Variants in SZT2 observed in about 807,000 individuals in gnomAD.
The protein encoded by SZT2 is KICSTOR complex protein SZT2.
Under a neutral mutation model 404.2 loss-of-function variants are expected in SZT2, and 216 were observed. The observed-to-expected ratio is 0.53, with a 90% CI of 0.48 to 0.60. The LOEUF (loss-of-function observed/expected upper bound fraction) is 0.60. SZT2 is among the 20% of genes least tolerant of loss of function. The pLI, the probability that SZT2 is intolerant of heterozygous loss-of-function variation, is 0.00. For synonymous variants in SZT2, 1,693 were observed against 1,749.9 expected, an observed-to-expected ratio of 0.97 and a Z score of 0.81; for missense variants, 3,857 against 4,459.2, an observed-to-expected ratio of 0.86 and a Z score of 3.85.
In SZT2 at chr1:43,427,596, G is replaced by A. The variant is rs368376076; in HGVS notation, c.3665G>A (p.Arg1222His). The A allele has an allele frequency of 1.2e-5, 20 of 1,614,130 alleles. No homozygotes were observed. The highest frequency in any genetic ancestry group is 5.0e-5 in the Admixed American group (3 of 60,014). Residue 1222 changes from arginine to histidine, a missense_variant, in exon 26 of 72, where the codon CGT (arginine) becomes CAT (histidine). Coordinates refer to ENST00000634258, the MANE Select transcript of SZT2 (RefSeq NM_001365999.1). ...FRRDLQAYAG[R>H]QASQTESADG... ...CGAGACTTACAGGCTTACGCTGGGC[G>A]TCAGGCTTCCCAGACAGAGAGTGCG... is the stretch of plus-strand genomic sequence containing the variant.
Position 43,452,428 on chromosome 1 carries a change from A to C in SZT2, c.*1948A>C, listed in dbSNP as rs767082434. 17 of 857,162 alleles carry C rather than the reference A, an allele frequency of 2.0e-5. No homozygotes were observed. Among genetic ancestry groups the C allele is most frequent in the Non-Finnish European group, 2.9e-5 (15 of 512,980 alleles). The allele number at this position is 857,162 out of a possible 1,614,324, so 53.1% of individuals were successfully genotyped here. A position where few individuals can be genotyped will look rare whatever the true frequency, so the allele number is the denominator to read the frequency against. ...GTCCGTCTCCCCAGGTCTCCAGTCC[A>C]TGGCACCTGGGTCACGATGCCCAGG... On this transcript the variant is annotated 3_prime_UTR_variant, in exon 72 of 72. Coordinates refer to ENST00000634258, the MANE Select transcript of SZT2 (RefSeq NM_001365999.1).
intron 1 of SZT2, among the ~76,000 whole-genome samples, chr1:43,401,079 G>A (rs796308270): frequency 5.3e-5 from 8 of 152,048 alleles, no homozygotes; most frequent in African/African-American, 1.4e-4. Flanking sequence ...GAGCCACTAC[G>A]CCTGGCTAAT....
Position 43,448,734 on chromosome 1 carries a change from TC to T in SZT2, c.10086+10del. On this transcript the variant is annotated splice_region_variant and intron_variant, in intron 70 of 71. Transcript: ENST00000634258. This position sits in a 1 kb window ranked among gnomAD's most constrained non-coding sequence, Gnocchi z 4.2. The stretch of plus-strand genomic sequence containing the variant: ...ACTTGGGAACTCAGTACCTGGTAAG[TC>T]CCCTTGAGCTTCCTCTGAAAAGGGA... 1 of 1,612,380 alleles carries T rather than the reference TC, an allele frequency of 6.2e-7. No homozygotes were observed.
In SZT2 at chr1:43,428,437, G is replaced by A; in HGVS notation, c.4117G>A (p.Glu1373Lys). The A allele has an allele frequency of 6.2e-7, 1 of 1,614,178 alleles. No homozygotes were observed. Among genetic ancestry groups the A allele is most frequent in the Non-Finnish European group, 8.5e-7 (1 of 1,180,032 alleles). The stretch of plus-strand genomic sequence containing the variant: ...CCCTGGGCCCTTCAGCAGCAGCATG[G>A]AGGAGGGTGCTGAACCTCGGGAACG... ...LSPGPFSSSM[E>K]EGAEPRERAI... Residue 1373 changes from glutamate to lysine, a missense_variant, in exon 28 of 72, where the codon GAG (glutamate) becomes AAG (lysine). By Grantham distance (56) the Glu-to-Lys change is moderately conservative (BLOSUM62 1). Coordinates refer to ENST00000634258, the MANE Select transcript of SZT2 (RefSeq NM_001365999.1).
At chr1:43,415,752 C>T (rs543908466) in intron 5 of SZT2, among the ~76,000 whole-genome samples, 6 of 152,300 alleles carry the variant, frequency 3.9e-5, no homozygotes, top group African/African-American at 1.4e-4. Flanking sequence ...CATCTGATGC[C>T]GAACTCCCTT....
Position 43,447,791 on chromosome 1 carries a change from G to T in SZT2, c.9441-58G>T, listed in dbSNP as rs979175568. ...GAGACCAATGTTTTCTTGGGCAGGG[G>T]TGAGGTTTGTTTTATTAGAACCCCA... On this transcript the variant is annotated intron_variant, in intron 67 of 71. Coordinates refer to ENST00000634258, the MANE Select transcript of SZT2 (RefSeq NM_001365999.1). 5 of 1,611,736 alleles carry T rather than the reference G, an allele frequency of 3.1e-6. No individual in the cohort carries two copies. In the African/African-American group the frequency reaches 4.0e-5, roughly 13 times the overall value.
Position 43,430,110 on chromosome 1 carries a change from G to A in SZT2, c.4401+7G>A. The A allele has an allele frequency of 1.2e-6, 2 of 1,613,852 alleles. No individual in the cohort carries two copies. Among genetic ancestry groups the A allele is most frequent in the South Asian group, 1.1e-5 (1 of 91,072 alleles). ...TCCATCCAGCAGGCGAGAAGTGAGT[G>A]GCTCTCTTCCTTACCTCTCTCGTGC... On this transcript the variant is annotated splice_region_variant and intron_variant, in intron 30 of 71. Coordinates refer to ENST00000634258, the MANE Select transcript of SZT2 (RefSeq NM_001365999.1).
rs765584923 is a variant in SZT2, at chr1:43,441,190, C to T, written c.7345-24C>T. The T allele has an allele frequency of 4.0e-5, 64 of 1,609,870 alleles. No homozygotes were observed. In the African/African-American group the frequency reaches 6.9e-4, roughly 17 times the overall value. On this transcript the variant is annotated intron_variant, in intron 52 of 71. Coordinates refer to ENST00000634258, the MANE Select transcript of SZT2 (RefSeq NM_001365999.1). The surrounding 1 kb of genome is among the most constrained non-coding windows in gnomAD (Gnocchi z 4.8). Reference sequence around the variant, plus strand: ...ACCTTTCCTCTTCCCAGTAGCCCTTCCTCATTCACTGCATTGCCCCCAGAG... The same window carrying T: ...ACCTTTCCTCTTCCCAGTAGCCCTTTCTCATTCACTGCATTGCCCCCAGAG...
intron 1 of SZT2, among the ~76,000 whole-genome samples, chr1:43,397,665 C>G (rs1258241765): frequency 1.3e-5 from 2 of 151,742 alleles, no homozygotes; most frequent in Admixed American, 6.6e-5. Flanking sequence ...GTAGCTGGGA[C>G]TACAGATGTG....
intron 4 of SZT2, among the ~76,000 whole-genome samples, chr1:43,413,331 G>A (rs907463424): frequency 6.6e-6 from 1 of 152,136 alleles, no homozygotes; most frequent in Non-Finnish European, 1.5e-5. Flanking sequence ...GCAGTGAGCC[G>A]AGATAGTGTC....
intron 1 of SZT2, chr1:43,394,125 T>G (rs1198382907): frequency 8.5e-5 from 83 of 975,280 alleles, no homozygotes; most frequent in Non-Finnish European, 9.6e-5. Context: ...CTCTGAGAAC[T>G]AATTCAGGGA....
At position 43,425,458 on chromosome 1, in the gene SZT2, G is replaced by T. The variant is rs750614843; in HGVS notation, c.2646-16G>T. On this transcript the variant is annotated splice_polypyrimidine_tract_variant and intron_variant, in intron 18 of 71. Transcript: ENST00000634258. This position sits in a 1 kb window ranked among gnomAD's most constrained non-coding sequence, Gnocchi z 4.3. ...CATGAGGCTGTGCATTGGACTCAGA[G>T]CCCTTCCTCCTTTAGCTTCTCGACA... is the stretch of plus-strand genomic sequence containing the variant. 3.1e-6 allele frequency: 5 copies of T among 1,613,980 alleles called. No individual in the cohort carries two copies. Among genetic ancestry groups the T allele is most frequent in the Non-Finnish European group, 4.2e-6 (5 of 1,179,920 alleles).
chr1:43,391,346 C>T (rs948855545), intron 1 of SZT2, among the ~76,000 whole-genome samples: 66 of 151,980 alleles, frequency 4.3e-4, no homozygotes, highest in African/African-American at 1.4e-3. Flanking sequence ...AGTTACACAG[C>T]TATTAAGTAT....
intron 40 of SZT2, among the ~76,000 whole-genome samples, chr1:43,433,401 C>T (rs1358363420): frequency 6.6e-6 from 1 of 152,174 alleles, no homozygotes; most frequent in Non-Finnish European, 1.5e-5. Flanking sequence ...AGATGAGAGT[C>T]GAAAAGCTGA....
chr1:43,424,760 G>A lies in SZT2; in HGVS notation c.2472-24G>A, dbSNP rs762088595. ...TCTCTTCTTCCCTTATCCTGGCCTT[G>A]CCCCGGCCTTTATGGGGCTTCAGAG... On this transcript the variant is annotated intron_variant, in intron 16 of 71. Coordinates refer to ENST00000634258, the MANE Select transcript of SZT2 (RefSeq NM_001365999.1). The surrounding 1 kb of genome is among the most constrained non-coding windows in gnomAD (Gnocchi z 4.1). The A allele has an allele frequency of 6.2e-7, 1 of 1,607,618 alleles. No individual in the cohort carries two copies. The highest frequency in any genetic ancestry group is 1.7e-5 in the Admixed American group (1 of 59,974).
rs569790933 is a variant in SZT2, at chr1:43,392,979, CTATCTT to C, written c.27+2988_27+2993del. 2.4e-3 allele frequency among the ~76,000 whole-genome samples: 372 copies of C among 152,276 alleles called. 1 individual carries two copies. Among genetic ancestry groups the C allele is most frequent in the Non-Finnish European group, 4.4e-3 (301 of 68,026 alleles). The stretch of plus-strand genomic sequence containing the variant: ...GAGCCGTGTAAGACAGACATGCTCT[CTATCTT>C]TATGGAGTAAACAAGGATTGAATTA... On this transcript the variant is annotated intron_variant, in intron 1 of 71. Transcript: ENST00000634258.
intron 1 of SZT2, among the ~76,000 whole-genome samples, chr1:43,401,653 T>G (rs935432501): frequency 6.6e-6 from 1 of 151,964 alleles, no homozygotes; most frequent in Non-Finnish European, 1.5e-5. Context: ...GCCTAGCTAA[T>G]TTTTGTATTT....
chr1:43,421,345 T>C (rs1244487613), intron 11 of SZT2, 42 bp downstream of exon 11: 1 of 1,591,344 alleles, frequency 6.3e-7, no homozygotes, highest in Non-Finnish European at 8.5e-7. Flanking sequence ...TCATGTCAAC[T>C]TGGGTTGCAC....
rs748730426 is a variant in SZT2 at position 43,428,462 on chromosome 1, G to A, written c.4142G>A (p.Arg1381Gln). ...SMEEGAEPRERAILASESSIE... is the reference protein window; with the variant it reads ...SMEEGAEPREQAILASESSIE... ...GAGGAGGGTGCTGAACCTCGGGAACGAGCTATCCTAGCTTCTGAATCCAGG... is the reference window on the plus strand; with the variant it reads ...GAGGAGGGTGCTGAACCTCGGGAACAAGCTATCCTAGCTTCTGAATCCAGG... Residue 1381 changes from arginine to glutamine, a missense_variant, in exon 28 of 72, where the codon CGA becomes CAA. Coordinates refer to ENST00000634258, the MANE Select transcript of SZT2 (RefSeq NM_001365999.1). The A allele has an allele frequency of 1.9e-6, 3 of 1,613,854 alleles. No individual in the cohort carries two copies. The highest frequency in any genetic ancestry group is 2.7e-5 in the African/African-American group (2 of 74,896).
Sources: gnomAD v4.1 joint callset for allele counts (sites outside exome capture counted in the v4.1 genomes callset) on GRCh38, gnomAD v4.1.1 for gene constraint, Gnocchi (gnomAD v3.1) non-coding constraint, MANE v1.5 for transcripts, NCBI Gene and HGNC (gene_info 2026-07-23, HGNC 2026-07-21) for gene names.